THBS4: variants seen among roughly 807,000 people sequenced by gnomAD.
The protein encoded by THBS4 is thrombospondin-4.
THBS4 carries 90 observed loss-of-function variants against 115.7 expected under a neutral mutation model. That is an observed-to-expected ratio of 0.78 (90% CI 0.66 to 0.93). The LOEUF is 0.93. Ranked by LOEUF, THBS4 falls within the 40% of genes least tolerant of loss-of-function variation. THBS4 has a pLI of 0.00. For missense variants in THBS4, 1,087 were observed against 1,232.7 expected, an observed-to-expected ratio of 0.88 and a Z score of 1.77; for synonymous variants, 460 against 479.3, an observed-to-expected ratio of 0.96 and a Z score of 0.53.
intron 2 of THBS4, among the ~76,000 whole-genome samples, chr5:80,016,846 C>T (rs533004226): frequency 6.6e-6 from 1 of 152,206 alleles, no homozygotes; most frequent in East Asian, 1.9e-4. Flanking sequence ...ATAGATTAAC[C>T]CATACCACAC....
intron 2 of THBS4, among the ~76,000 whole-genome samples, chr5:80,006,880 T>C (rs931740645): frequency 1.6e-4 from 24 of 152,362 alleles, no homozygotes; most frequent in African/African-American, 4.6e-4. Flanking sequence ...ATACCCCATA[T>C]ATTTATACAA....
At chr5:80,009,262 A>C (rs1832075534) in intron 2 of THBS4, among the ~76,000 whole-genome samples, 1 of 152,234 alleles carries the variant, frequency 6.6e-6, no homozygotes. Flanking sequence ...ACCTAGCTGA[A>C]TAATTATATG....
intron 10 of THBS4, among the ~76,000 whole-genome samples, chr5:80,069,858 G>A (rs1833969469): frequency 6.6e-6 from 1 of 152,212 alleles, no homozygotes; most frequent in Admixed American, 6.5e-5. Flanking sequence ...GAAGTCACTG[G>A]TCTGAAAGCT....
At chr5:80,043,884 C>T (rs904957092) in intron 2 of THBS4, among the ~76,000 whole-genome samples, 11 of 152,196 alleles carry the variant, frequency 7.2e-5, no homozygotes, top group African/African-American at 2.4e-4. Flanking sequence ...GCAAGGCATT[C>T]GGGGCTTCCA....
At chr5:79,994,141 T>C (rs1029620309) in intron 1 of THBS4, among the ~76,000 whole-genome samples, 1 of 152,360 alleles carries the variant, frequency 6.6e-6, no homozygotes, top group South Asian at 2.1e-4. Context: ...AATTTCTACA[T>C]GCCAGAAGTT....
At position 80,082,115 on chromosome 5, in the gene THBS4, T is replaced by C. The variant is rs537172802; in HGVS notation, c.2685-291T>C. On this transcript the variant is annotated intron_variant, in intron 20 of 21. Coordinates refer to ENST00000350881, the MANE Select transcript of THBS4 (RefSeq NM_003248.6). ...GGTTTGATTTTTAACTCAAGTTTGA[T>C]AGTGTGACCAACATCATGTTAGGCC... 1.5e-5 allele frequency: 5 copies of C among 338,102 alleles called. No homozygotes were observed. In the South Asian group the frequency reaches 4.9e-4, roughly 33 times the overall value. 20.9% of individuals were successfully genotyped at this position (338,102 alleles called of 1,614,324 possible).
chr5:80,016,112 A>G (rs1367159697), intron 2 of THBS4, among the ~76,000 whole-genome samples: 4 of 151,898 alleles, frequency 2.6e-5, no homozygotes, highest in African/African-American at 9.7e-5. Context: ...TGCCTCACTG[A>G]CTCTTCCTGT....
intron 7 of THBS4, among the ~76,000 whole-genome samples, chr5:80,060,405 C>T (rs1172173353): frequency 5.3e-5 from 8 of 152,122 alleles, no homozygotes; most frequent in Admixed American, 5.2e-4. Context: ...AGAGGAGGCA[C>T]ATCCAGCAAA....
chr5:79,993,010 G>A (rs1041934420), intron 1 of THBS4, among the ~76,000 whole-genome samples: 1 of 152,180 alleles, frequency 6.6e-6, no homozygotes, highest in Non-Finnish European at 1.5e-5. Flanking sequence ...CTACATTCAG[G>A]CATTTAAAAC....
At chr5:80,077,137 C>A (rs1743259371) in intron 16 of THBS4, 89 bp downstream of exon 16, 5 of 1,256,178 alleles carry the variant, frequency 4.0e-6, no homozygotes, top group Non-Finnish European at 5.5e-6. Context: ...GGCACCAACT[C>A]AGAATATCCC....
At chr5:80,014,316 C>G (rs1832205551) in intron 2 of THBS4, among the ~76,000 whole-genome samples, 1 of 152,218 alleles carries the variant, frequency 6.6e-6, no homozygotes, top group Non-Finnish European at 1.5e-5. Flanking sequence ...CCATGGTCTT[C>G]AGGTGATGTG....
In THBS4 at chr5:80,065,577, G is replaced by T; in HGVS notation, c.1194+100G>T. 5.7e-6 allele frequency: 6 copies of T among 1,056,942 alleles called. 1 individual carries two copies. Among genetic ancestry groups the T allele is most frequent in the South Asian group, 2.1e-5 (1 of 48,566 alleles). 65.5% of individuals were successfully genotyped at this position (1,056,942 alleles called of 1,614,324 possible). On this transcript the variant is annotated intron_variant, in intron 9 of 21. Coordinates refer to ENST00000350881, the MANE Select transcript of THBS4 (RefSeq NM_003248.6). ...CTTCCAAACACACCTAGAACATGTG[G>T]GCATAATATATTTGATTGGCAGAAT... is the stretch of plus-strand genomic sequence containing the variant.
chr5:80,061,438 G>A (rs1833630894), intron 7 of THBS4, among the ~76,000 whole-genome samples: 1 of 152,158 alleles, frequency 6.6e-6, no homozygotes, highest in Non-Finnish European at 1.5e-5. Flanking sequence ...TTGAGAGGTA[G>A]GCTGGTTAAT....
At chr5:80,004,857 C>A (rs1831984245) in intron 2 of THBS4, among the ~76,000 whole-genome samples, 1 of 152,106 alleles carries the variant, frequency 6.6e-6, no homozygotes, top group South Asian at 2.1e-4. Flanking sequence ...CCTGCCTCAG[C>A]CTCCTGAATA....
rs758166298 is a variant in THBS4 at position 80,076,887 on chromosome 5, A to C, written c.1925A>C (p.Asn642Thr). 3 of 1,607,546 alleles carry C rather than the reference A, an allele frequency of 1.9e-6. No homozygotes were observed. The highest frequency in any genetic ancestry group is 2.5e-6 in the Non-Finnish European group (3 of 1,176,494). The change falls in exon 16 of 22, where the codon AAC becomes ACC. Residue 642 changes from asparagine (N) to threonine (T), a missense_variant. Asn to Thr is a moderately conservative substitution (Grantham distance 65). This residue lies in a region of THBS4 where 979 missense variants were observed against 1,103.7 expected (regional missense o/e 0.89). Coordinates refer to ENST00000350881, the MANE Select transcript of THBS4 (RefSeq NM_003248.6). ...DGDGHQDSTD[N>T]CPTVINSAQL... is the part of the protein sequence containing the mutation. ...GATGGGCACCAGGACAGCACAGACA[A>C]CTGCCCCACCGTCATTAACAGTGCC...
rs35937190 is a variant in THBS4 at position 80,074,626 on chromosome 5, C to CTTT, written c.1892+1312_1892+1314dup. Reference sequence around the variant, plus strand: ...CCTATGAAGCCACAGCTCTCTCTCTCTTTTTTTTTTTTTTTGAGATGGAGT... The same window carrying CTTT: ...CCTATGAAGCCACAGCTCTCTCTCTCTTTTTTTTTTTTTTTTTTGAGATGGAGT... On this transcript the variant is annotated intron_variant, in intron 15 of 21. Transcript: ENST00000350881. Among the ~76,000 whole-genome samples, 746 of 142,532 alleles carry CTTT rather than the reference C, an allele frequency of 5.2e-3. 10 individuals are homozygous for CTTT. Among genetic ancestry groups the CTTT allele is most frequent in the East Asian group, 0.034 (169 of 4,928 alleles). 93.5% of individuals were successfully genotyped at this position (142,532 alleles called of 152,430 possible). A position where few individuals can be genotyped will look rare whatever the true frequency, so the allele number is the denominator to read the frequency against.
chr5:80,035,943 T>C lies in THBS4; in HGVS notation c.88+318T>C. On this transcript the variant is annotated intron_variant, in intron 1 of 21. Transcript: ENST00000350881. The surrounding 1 kb of genome is among the most constrained non-coding windows in gnomAD (Gnocchi z 4.6). The stretch of plus-strand genomic sequence containing the variant: ...CTAGACCTCTTAACATGTTAGGCTC[T>C]GGTGTAGGGTGAATTCCGGGTCCTG... 1 of 1,036,458 alleles carries C rather than the reference T, an allele frequency of 9.6e-7. No individual in the cohort carries two copies. The highest frequency in any genetic ancestry group is 1.2e-6 in the Non-Finnish European group (1 of 854,696). The allele number at this position is 1,036,458 out of a possible 1,614,324, so 64.2% of individuals were successfully genotyped here.
chr5:80,069,577 G>A (rs1833957788), intron 10 of THBS4, among the ~76,000 whole-genome samples: 1 of 152,224 alleles, frequency 6.6e-6, no homozygotes, highest in Non-Finnish European at 1.5e-5. Context: ...GATGGTAAAG[G>A]ATTAATAAAC....
intron 2 of THBS4, among the ~76,000 whole-genome samples, chr5:80,005,261 C>T (rs1001109304): frequency 4.6e-5 from 7 of 152,222 alleles, no homozygotes; most frequent in East Asian, 3.9e-4. Flanking sequence ...CTTCCTTTTA[C>T]GCTAATATTC....
Sources: allele counts gnomAD v4.1 joint callset (sites outside exome capture counted in the v4.1 genomes callset), GRCh38; gene constraint gnomAD v4.1.1; regional missense constraint gnomAD v4.1.1; non-coding constraint Gnocchi (gnomAD v3.1); transcripts MANE v1.5; gene names NCBI Gene and HGNC (gene_info 2026-07-23, HGNC 2026-07-21).